Variants in ERI3 observed in about 807,000 individuals in gnomAD.
ERI3 encodes ERI1 exoribonuclease family member 3, also known as ERI1 exoribonuclease 3.
A neutral mutation model predicts 44.4 loss-of-function variants in ERI3; 18 were observed. The observed-to-expected ratio is 0.41, with a 90% CI of 0.28 to 0.60. ERI3 has a LOEUF of 0.60. ERI3 is among the 20% of genes least tolerant of loss of function. ERI3 has a pLI of 0.36. For missense variants in ERI3, 294 were observed against 435.5 expected (o/e 0.68, Z 2.89); for synonymous variants, 183 against 164.8 (o/e 1.11, Z -0.84).
Position 44,354,951 on chromosome 1 carries a change from C to A in ERI3, c.76G>T (p.Ala26Ser). Residue 26 changes from alanine (A) to serine (S), a missense_variant, in exon 1 of 9, where the codon GCC (alanine) becomes TCC (serine). Transcript: ENST00000372257. ...GTCCAGGGGAGAGTAAGGGGAGGGG[C>A]GGGGGGCCAGGAGACCAGCCCTCCT... ...WEGGLVSWPP[A>S]PPLTLPWTWM... 1 of 1,339,434 alleles carries A rather than the reference C, an allele frequency of 7.5e-7. No homozygotes were observed. Among genetic ancestry groups the A allele is most frequent in the Non-Finnish European group, 9.6e-7 (1 of 1,037,662 alleles). The allele number at this position is 1,339,434 out of a possible 1,614,324, so 83.0% of individuals were successfully genotyped here. A position where few individuals can be genotyped will look rare whatever the true frequency, so the allele number is the denominator to read the frequency against.
intron 6 of ERI3, among the ~76,000 whole-genome samples, chr1:44,286,922 A>T (rs907617324): frequency 6.6e-6 from 1 of 152,044 alleles, no homozygotes; most frequent in Non-Finnish European, 1.5e-5. Context: ...GTGAGTCAGG[A>T]CTCACCCAAC....
At chr1:44,258,334 G>A (rs906259782) in intron 7 of ERI3, among the ~76,000 whole-genome samples, 1 of 152,148 alleles carries the variant, frequency 6.6e-6, no homozygotes, top group African/African-American at 2.4e-5. Context: ...TGAGCATGCG[G>A]CACTACCGCC....
At chr1:44,331,394 C>G (rs976170405) in intron 3 of ERI3, among the ~76,000 whole-genome samples, 3 of 152,008 alleles carry the variant, frequency 2.0e-5, no homozygotes, top group Non-Finnish European at 4.4e-5. Flanking sequence ...GCAGCCCACC[C>G]AAATGCTATG....
At position 44,308,356 on chromosome 1, in the gene ERI3, C is replaced by T. The variant is rs751866284; in HGVS notation, c.712G>A (p.Val238Ile). The change falls in exon 6 of 9, where the codon GTC becomes ATC. Residue 238 changes from valine (V) to isoleucine (I), a missense_variant. Coordinates refer to ENST00000372257, the MANE Select transcript of ERI3 (RefSeq NM_024066.3). ...CCACAGGTGACAAAAATTGACTTGACGTTTGGATCTAAGAGGCCTTCCTTC... is the reference window on the plus strand; with the variant it reads ...CCACAGGTGACAAAAATTGACTTGATGTTTGGATCTAAGAGGCCTTCCTTC... ...MAKEGLLDPN[V>I]KSIFVTCGDW... 22 of 1,614,082 alleles carry T rather than the reference C, an allele frequency of 1.4e-5. No homozygotes were observed. The Middle Eastern group carries it at 4.9e-4, about 36-fold the overall frequency.
At chr1:44,337,944 G>A (rs1481916473) in intron 3 of ERI3, among the ~76,000 whole-genome samples, 1 of 152,112 alleles carries the variant, frequency 6.6e-6, no homozygotes, top group Non-Finnish European at 1.5e-5. Context: ...ATAGAGAAGA[G>A]TTACAGTCCT....
At chr1:44,348,543 CA>C (rs1164481974) in intron 2 of ERI3, among the ~76,000 whole-genome samples, 1 of 152,218 alleles carries the variant, frequency 6.6e-6, no homozygotes, top group Non-Finnish European at 1.5e-5. Context: ...CACATCAAAG[CA>C]ATCCCTGGTA....
intron 6 of ERI3, among the ~76,000 whole-genome samples, chr1:44,302,253 C>T (rs1370778555): frequency 2.0e-5 from 3 of 152,218 alleles, no homozygotes; most frequent in Non-Finnish European, 4.4e-5. Flanking sequence ...CTTTGCTAAG[C>T]CCTATTTGGC....
chr1:44,304,029 G>T (rs1249224755), intron 6 of ERI3, among the ~76,000 whole-genome samples: 1 of 152,160 alleles, frequency 6.6e-6, no homozygotes, highest in Non-Finnish European at 1.5e-5. Context: ...ATAATTTTCA[G>T]ATTTCCGACA....
intron 7 of ERI3, among the ~76,000 whole-genome samples, chr1:44,278,357 G>A (rs1174337747): frequency 1.3e-5 from 2 of 151,876 alleles, no homozygotes; most frequent in African/African-American, 4.8e-5. Context: ...CACACCTGCA[G>A]TCCCAGCTAC....
chr1:44,263,815 G>C (rs1644938800), intron 7 of ERI3, among the ~76,000 whole-genome samples: 1 of 152,182 alleles, frequency 6.6e-6, no homozygotes, highest in Non-Finnish European at 1.5e-5. Context: ...AGCCCTCTCT[G>C]AGCCCTGAGC....
At chr1:44,345,523 A>T (rs1471999601) in intron 2 of ERI3, among the ~76,000 whole-genome samples, 28 of 152,188 alleles carry the variant, frequency 1.8e-4, no homozygotes, top group Admixed American at 1.8e-3. Context: ...CTCAGTTCTC[A>T]GTCCTGGTGT....
intron 4 of ERI3, among the ~76,000 whole-genome samples, chr1:44,317,216 A>G (rs1646107963): frequency 6.6e-6 from 1 of 152,184 alleles, no homozygotes; most frequent in Admixed American, 6.5e-5. Context: ...TGCCAGAGGA[A>G]CTACTTAAGT....
chr1:44,301,144 C>T lies in ERI3; in HGVS notation c.758+7166G>A, dbSNP rs951360634. 5.9e-5 allele frequency among the ~76,000 whole-genome samples: 9 copies of T among 152,274 alleles called. No individual in the cohort carries two copies. In the East Asian group the frequency reaches 1.4e-3, roughly 23 times the overall value. On this transcript the variant is annotated intron_variant, in intron 6 of 8. Coordinates refer to ENST00000372257, the MANE Select transcript of ERI3 (RefSeq NM_024066.3). ...GCTGAAACATGACCCCATCAACTCA[C>T]GCTGCCTTCTTGGGGCTAACCCGGT...
intron 8 of ERI3, among the ~76,000 whole-genome samples, chr1:44,247,283 T>C (rs1349395078): frequency 2.0e-5 from 3 of 152,170 alleles, no homozygotes; most frequent in Non-Finnish European, 2.9e-5. Context: ...ATATTCATAC[T>C]GATAGATCAG....
chr1:44,308,507 A>G, intron 5 of ERI3, 106 bp from the exon 6 acceptor site: 1 of 896,544 alleles, frequency 1.1e-6, no homozygotes, highest in Non-Finnish European at 1.9e-6. Flanking sequence ...AGAACAGGAG[A>G]AAATTGTAAT....
At chr1:44,271,693 TATTA>T (rs766973557) in intron 7 of ERI3, among the ~76,000 whole-genome samples, 5 of 152,244 alleles carry the variant, frequency 3.3e-5, no homozygotes, top group Non-Finnish European at 7.3e-5. Context: ...TTATTATTAC[TATTA>T]ATTATCTCTA....
In ERI3 at chr1:44,255,664, T is replaced by C. The variant is rs575975100; in HGVS notation, c.832-7626A>G. Among the ~76,000 whole-genome samples, 10 of 152,314 alleles carry C rather than the reference T, an allele frequency of 6.6e-5. No homozygotes were observed. The South Asian group carries it at 2.1e-3, about 32-fold the overall frequency. ...TGGATTTCACACAGACGCTTCATTC[T>C]CCATATGTTTAAAGCTCATTTCAAC... On this transcript the variant is annotated intron_variant, in intron 7 of 8. Transcript: ENST00000372257.
At chr1:44,284,718 A>G in intron 7 of ERI3, 117 bp downstream of exon 7, 1 of 762,468 alleles carries the variant, frequency 1.3e-6, no homozygotes. Flanking sequence ...AGTTAAGAAA[A>G]GAGAAGAACA....
chr1:44,287,330 T>G (rs1425916662), intron 6 of ERI3, among the ~76,000 whole-genome samples: 3 of 152,198 alleles, frequency 2.0e-5, no homozygotes, highest in Non-Finnish European at 4.4e-5. Context: ...GCTACAAGAA[T>G]CCAGTTGAGA....
Sources: allele counts gnomAD v4.1 joint callset (sites outside exome capture counted in the v4.1 genomes callset), GRCh38; gene constraint gnomAD v4.1.1; transcripts MANE v1.5; gene names NCBI Gene and HGNC (gene_info 2026-07-23, HGNC 2026-07-21).